ARL15: variants seen among roughly 807,000 people sequenced by gnomAD.
ARL15 encodes the protein ADP-ribosylation factor-like protein 15.
Under a neutral mutation model 25.2 loss-of-function variants are expected in ARL15, and 19 were observed. The ratio of observed to expected loss-of-function variants is 0.75; its 90% CI spans 0.53 to 1.10. The LOEUF (loss-of-function observed/expected upper bound fraction) is 1.10, where lower values mean the gene tolerates loss of function less well. ARL15 is among the 50% of genes least tolerant of loss of function. ARL15 has a pLI of 0.00. For missense variants in ARL15, 220 were observed against 246.0 expected, an observed-to-expected ratio of 0.89 and a Z score of 0.71; for synonymous variants, 94 against 86.8, an observed-to-expected ratio of 1.08 and a Z score of -0.46.
chr5:54,011,119 C>T (rs1189204562), intron 4 of ARL15, among the ~76,000 whole-genome samples: 1 of 151,992 alleles, frequency 6.6e-6, no homozygotes, highest in African/African-American at 2.4e-5. Flanking sequence ...AAAAGCCCTC[C>T]GTGAGCAGAT....
chr5:54,159,049 T>A (rs776058783), intron 2 of ARL15, among the ~76,000 whole-genome samples: 1 of 152,144 alleles, frequency 6.6e-6, no homozygotes, highest in Non-Finnish European at 1.5e-5. Context: ...ACGTGCCTAA[T>A]AAATGCACTA....
chr5:54,131,596 T>A (rs2112278429), intron 3 of ARL15, among the ~76,000 whole-genome samples: 1 of 152,346 alleles, frequency 6.6e-6, no homozygotes, highest in East Asian at 1.9e-4. Context: ...GTACCATTGT[T>A]ACTTATGTAA....
At position 54,158,156 on chromosome 5, in the gene ARL15, T is replaced by C. The variant is rs540058449; in HGVS notation, c.194-3517A>G. Among the ~76,000 whole-genome samples, 315 of 152,250 alleles carry C rather than the reference T, an allele frequency of 2.1e-3. 1 individual carries two copies. Among genetic ancestry groups the C allele is most frequent in the African/African-American group, 7.3e-3 (304 of 41,540 alleles). On this transcript the variant is annotated intron_variant, in intron 2 of 4. Transcript: ENST00000504924. ...CCAAAGGTCAAACCATCAAAATACC[T>C]TTCTCAAAGGGTTGCTTTGAGGAAT...
chr5:54,048,081 G>C (rs539320322), intron 4 of ARL15: 1 of 152,258 alleles, frequency 6.6e-6, no homozygotes, highest in African/African-American at 2.4e-5. Context: ...CTGCTGTTGA[G>C]CACAGAAGTT....
At chr5:54,145,534 TC>T (rs1173397944) in intron 3 of ARL15, among the ~76,000 whole-genome samples, 1 of 152,122 alleles carries the variant, frequency 6.6e-6, no homozygotes, top group Non-Finnish European at 1.5e-5. Context: ...TTTATGTTTT[TC>T]TGAGAACTTC....
At chr5:54,231,123 C>T (rs576858653) in intron 1 of ARL15, among the ~76,000 whole-genome samples, 10,968 of 152,050 alleles carry the variant, frequency 0.072, 530 homozygotes, top group African/African-American at 0.13. Context: ...GTGGATATCC[C>T]ACAAACACAT....
At chr5:54,260,343 A>G (rs10071081) in intron 1 of ARL15, among the ~76,000 whole-genome samples, 6,399 of 152,284 alleles carry the variant, frequency 0.042, 299 homozygotes, top group African/African-American at 0.12. Context: ...TAACAATTAC[A>G]TAGGTACTAA....
Position 53,934,190 on chromosome 5 carries a change from C to T in ARL15, c.463-47477G>A, listed in dbSNP as rs193079052. Among the ~76,000 whole-genome samples, 163 of 152,174 alleles carry T rather than the reference C, an allele frequency of 1.1e-3. 1 individual carries two copies. The highest frequency in any genetic ancestry group is 1.9e-3 in the Non-Finnish European group (127 of 68,014). On this transcript the variant is annotated intron_variant, in intron 4 of 4. Transcript: ENST00000504924. ...ACCCTTCATAAAATCTTTAATTATT[C>T]GTTACAACAGAATATAATGAGATAA...
intron 4 of ARL15, among the ~76,000 whole-genome samples, chr5:53,997,062 G>A (rs12659966): frequency 8.3e-4 from 126 of 152,122 alleles, no homozygotes; most frequent in Middle Eastern, 3.4e-3. Context: ...ATAGGGTGAA[G>A]AATACATTTC....
intron 4 of ARL15, among the ~76,000 whole-genome samples, chr5:54,074,918 A>G (rs1751545715): frequency 6.6e-6 from 1 of 151,758 alleles, no homozygotes; most frequent in Non-Finnish European, 1.5e-5. Context: ...CAATCTTCAC[A>G]CACTATTAAT....
In ARL15 at chr5:54,259,799, A is replaced by G. The variant is rs578024251; in HGVS notation, c.48+50633T>C. On this transcript the variant is annotated intron_variant, in intron 1 of 4. Transcript: ENST00000504924. ...GGTCTTACAACATCACAGCAAAATT[A>G]TAACATTGCTTTACAATGAGCAAAA... Among the ~76,000 whole-genome samples the G allele has an allele frequency of 3.9e-5, 6 of 152,332 alleles. No individual in the cohort carries two copies. The South Asian group carries it at 1.2e-3, about 32-fold the overall frequency.
chr5:54,289,690 T>C (rs1010262557), intron 1 of ARL15, among the ~76,000 whole-genome samples: 4 of 152,238 alleles, frequency 2.6e-5, no homozygotes, highest in African/African-American at 9.6e-5. Flanking sequence ...TTGTAGGAGC[T>C]TGGGCAAGTT....
intron 1 of ARL15, among the ~76,000 whole-genome samples, chr5:54,296,286 A>G (rs1210794093): frequency 6.6e-6 from 1 of 152,188 alleles, no homozygotes; most frequent in Non-Finnish European, 1.5e-5. Context: ...TTTTATATAC[A>G]CTTTTGTAGT....
chr5:54,086,336 T>C (rs189456391), intron 4 of ARL15, among the ~76,000 whole-genome samples: 2 of 152,322 alleles, frequency 1.3e-5, no homozygotes, highest in East Asian at 3.9e-4. Flanking sequence ...AATTGCTTAT[T>C]AGTTCTATAG....
chr5:54,074,692 T>G (rs985834047), intron 4 of ARL15, among the ~76,000 whole-genome samples: 1 of 152,148 alleles, frequency 6.6e-6, no homozygotes, highest in Non-Finnish European at 1.5e-5. Flanking sequence ...GTCAGAGAGA[T>G]TTTACTTTAA....
intron 4 of ARL15, among the ~76,000 whole-genome samples, chr5:53,965,782 C>T (rs1207309794): frequency 6.6e-6 from 1 of 152,086 alleles, no homozygotes; most frequent in Non-Finnish European, 1.5e-5. Context: ...GGCAAGCACA[C>T]AACCAAACAT....
intron 4 of ARL15, among the ~76,000 whole-genome samples, chr5:54,087,599 T>C (rs1752010911): frequency 6.6e-6 from 1 of 152,180 alleles, no homozygotes; most frequent in African/African-American, 2.4e-5. Context: ...AATATTCCAC[T>C]CTTTTAAAAT....
intron 1 of ARL15, among the ~76,000 whole-genome samples, chr5:54,268,088 G>C (rs1228710339): frequency 6.6e-6 from 1 of 151,660 alleles, no homozygotes; most frequent in Non-Finnish European, 1.5e-5. Context: ...CATTCTCCCC[G>C]TCACTTTCAG....
Position 53,925,639 on chromosome 5 carries a change from A to ATT in ARL15, c.463-38928_463-38927dup, listed in dbSNP as rs998820597. ...GTAATATAGCAAGACACTCATCTGT[A>ATT]TTATATATATGTTATTTTTTTAACT... is the stretch of plus-strand genomic sequence containing the variant. On this transcript the variant is annotated intron_variant, in intron 4 of 4. Transcript: ENST00000504924. Among the ~76,000 whole-genome samples the ATT allele has an allele frequency of 2.4e-4, 36 of 152,054 alleles. 1 individual carries two copies. Among genetic ancestry groups the ATT allele is most frequent in the African/African-American group, 8.5e-4 (35 of 41,410 alleles).
Sources: allele counts gnomAD v4.1 joint callset (sites outside exome capture counted in the v4.1 genomes callset), GRCh38; gene constraint gnomAD v4.1.1; transcripts MANE v1.5; gene names NCBI Gene and HGNC (gene_info 2026-07-23, HGNC 2026-07-21).